The following KMT2A variants were observed in gnomAD, a reference collection of about 807,000 sequenced individuals.
The protein encoded by KMT2A is lysine methyltransferase 2A, also known as histone-lysine N-methyltransferase 2A.
A neutral mutation model predicts 345.3 loss-of-function variants in KMT2A; 16 were observed. That is an observed-to-expected ratio of 0.05 (90% CI 0.03 to 0.07). The LOEUF is 0.07. Ranked by LOEUF, KMT2A falls within the 10% of genes least tolerant of loss-of-function variation. The pLI, the probability that KMT2A is intolerant of heterozygous loss-of-function variation, is 1.00. For synonymous variants in KMT2A, 1,599 were observed against 1,778.6 expected, an observed-to-expected ratio of 0.90 and a Z score of 2.54; for missense variants, 3,272 against 4,841.6, an observed-to-expected ratio of 0.68 and a Z score of 9.62.
chr11:118,451,459 C>T (rs891825757), intron 1 of KMT2A, among the ~76,000 whole-genome samples: 59 of 152,158 alleles, frequency 3.9e-4, no homozygotes, highest in African/African-American at 1.3e-3. Flanking sequence ...GCAATTTCGG[C>T]TCATTGCAAC....
At chr11:118,438,895 CT>C in intron 1 of KMT2A, 1 of 359,610 alleles carries the variant, frequency 2.8e-6, no homozygotes, top group South Asian at 2.1e-5. Flanking sequence ...CTGCCTCTTT[CT>C]GCTCTATCTC....
In KMT2A at chr11:118,522,483, G is replaced by A; in HGVS notation, c.*311G>A. The A allele has an allele frequency of 3.1e-6, 1 of 324,952 alleles. No individual in the cohort carries two copies. Among genetic ancestry groups the A allele is most frequent in the South Asian group, 6.7e-5 (1 of 14,966 alleles). 20.1% of individuals were successfully genotyped at this position (324,952 alleles called of 1,614,324 possible). A position where few individuals can be genotyped will look rare whatever the true frequency, so the allele number is the denominator to read the frequency against. ...GGAAGGAGCCTATTATAGAGGGTTG[G>A]TTATGTTGGGAGATTGGGCCTGAAT... is the stretch of plus-strand genomic sequence containing the variant. On this transcript the variant is annotated 3_prime_UTR_variant, in exon 36 of 36. Coordinates refer to ENST00000534358, the MANE Select transcript of KMT2A (RefSeq NM_001197104.2). The surrounding 1 kb of genome is among the most constrained non-coding windows in gnomAD (Gnocchi z 5.4).
Position 118,501,026 on chromosome 11 carries a change from G to A in KMT2A, c.6198G>A (p.Lys2066=). The stretch of plus-strand genomic sequence containing the variant: ...ACTGGAGCACCACAGATGCTCGCAA[G>A]CGCTGTGTATATACATGCAAGATAG... ...RVYWSTTDAR[K]RCVYTCKIVE... Residue 2066 remains lysine (K), a synonymous_variant, in exon 25 of 36, where the codon AAG becomes AAA. Transcript: ENST00000534358. 6.2e-7 allele frequency: 1 copy of A among 1,613,976 alleles called. No individual in the cohort carries two copies. Among genetic ancestry groups the A allele is most frequent in the Non-Finnish European group, 8.5e-7 (1 of 1,179,880 alleles).
In KMT2A at chr11:118,472,446, AGAG is replaced by A; in HGVS notation, c.1290_1292del (p.Glu430del). The stretch of plus-strand genomic sequence containing the variant: ...TCATTAAGACCCCTCGGCGGTTTAT[AGAG>A]GATGAGGATTATGACCCTCCAATTA... On this transcript the variant is annotated inframe_deletion, in exon 3 of 36. Coordinates refer to ENST00000534358, the MANE Select transcript of KMT2A (RefSeq NM_001197104.2). The A allele has an allele frequency of 6.2e-7, 1 of 1,614,064 alleles. No individual in the cohort carries two copies. Among genetic ancestry groups the A allele is most frequent in the Non-Finnish European group, 8.5e-7 (1 of 1,180,020 alleles).
rs1363839606 is a variant in KMT2A, at chr11:118,510,250, C to G, written c.11071+132C>G. 3 of 649,500 alleles carry G rather than the reference C, an allele frequency of 4.6e-6. No homozygotes were observed. The highest frequency in any genetic ancestry group is 7.7e-6 in the Non-Finnish European group (3 of 388,202). The allele number at this position is 649,500 out of a possible 1,614,324, so 40.2% of individuals were successfully genotyped here. A position where few individuals can be genotyped will look rare whatever the true frequency, so the allele number is the denominator to read the frequency against. On this transcript the variant is annotated intron_variant, in intron 30 of 35. Coordinates refer to ENST00000534358, the MANE Select transcript of KMT2A (RefSeq NM_001197104.2). The surrounding 1 kb of genome is among the most constrained non-coding windows in gnomAD (Gnocchi z 4.1). The stretch of plus-strand genomic sequence containing the variant: ...TAGGGGGATACCTGGAGGCATCATA[C>G]ATTTTCCTTGTCCTTGAGAAGTTTG...
chr11:118,519,519 GCCT>G, intron 31 of KMT2A, 96 bp from the exon 32 acceptor site: 1 of 1,059,992 alleles, frequency 9.4e-7, no homozygotes. Flanking sequence ...CCCTGGAGCA[GCCT>G]CTGGCAGAGT....
At position 118,497,893 on chromosome 11, in the gene KMT2A, G is replaced by A. The variant is rs781893618; in HGVS notation, c.5665-43G>A. 5 of 1,526,868 alleles carry A rather than the reference G, an allele frequency of 3.3e-6. No homozygotes were observed. In the South Asian group the frequency reaches 4.6e-5, roughly 14 times the overall value. The allele number at this position is 1,526,868 out of a possible 1,614,324, so 94.6% of individuals were successfully genotyped here. The stretch of plus-strand genomic sequence containing the variant: ...CTAATGCCGAGGAAAACCTCCTTTG[G>A]CATTATATTCTTTAGGAAAAAAGAA... On this transcript the variant is annotated intron_variant, in intron 20 of 35. Coordinates refer to ENST00000534358, the MANE Select transcript of KMT2A (RefSeq NM_001197104.2). The surrounding 1 kb of genome is among the most constrained non-coding windows in gnomAD (Gnocchi z 4.8).
intron 1 of KMT2A, among the ~76,000 whole-genome samples, chr11:118,446,657 T>G (rs1555027274): frequency 6.6e-6 from 1 of 152,244 alleles, no homozygotes; most frequent in Non-Finnish European, 1.5e-5. Flanking sequence ...CTGTTCCTGC[T>G]GTCCTAGTTT....
intron 1 of KMT2A, chr11:118,458,063 TGAGA>T: frequency 1.8e-5 from 5 of 277,338 alleles, no homozygotes; most frequent in Admixed American, 4.4e-5. Flanking sequence ...CATTTTTTTT[TGAGA>T]TGCTTTCAAA....
At chr11:118,464,230 A>C (rs566740957) in intron 1 of KMT2A, among the ~76,000 whole-genome samples, 3 of 152,222 alleles carry the variant, frequency 2.0e-5, no homozygotes, top group African/African-American at 4.8e-5. Context: ...CAGCTTACAC[A>C]ATTCTGACTG....
At chr11:118,508,456 G>C (rs2134423478) in intron 28 of KMT2A, among the ~76,000 whole-genome samples, 1 of 152,306 alleles carries the variant, frequency 6.6e-6, no homozygotes, top group Non-Finnish European at 1.5e-5. Flanking sequence ...GAAAACTGGG[G>C]CTGGACACAG....
chr11:118,499,507 G>C, intron 23 of KMT2A, 87 bp downstream of exon 23: 2 of 895,188 alleles, frequency 2.2e-6, no homozygotes, highest in Non-Finnish European at 3.8e-6. Flanking sequence ...CCCTCAGCCA[G>C]GTGTGGTGTC....
chr11:118,443,084 T>C (rs1329172226), intron 1 of KMT2A, among the ~76,000 whole-genome samples: 4 of 152,228 alleles, frequency 2.6e-5, no homozygotes, highest in African/African-American at 9.6e-5. Context: ...GCTGGAGGCC[T>C]GCACTCTTAT....
In KMT2A at chr11:118,501,057, T is replaced by A; in HGVS notation, c.6229T>A (p.Cys2077Ser). 1 of 1,613,892 alleles carries A rather than the reference T, an allele frequency of 6.2e-7. No individual in the cohort carries two copies. Among genetic ancestry groups the A allele is most frequent in the Non-Finnish European group, 8.5e-7 (1 of 1,179,910 alleles). The change falls in exon 25 of 36, where the codon TGC (cysteine) becomes AGC (serine). Residue 2077 changes from cysteine to serine, a missense_variant. Cys to Ser is a moderately radical substitution (Grantham distance 112). Around this residue, in one of 27 missense-constraint regions of KMT2A, gnomAD observed 235 missense variants for 503.4 expected, o/e 0.47. Coordinates refer to ENST00000534358, the MANE Select transcript of KMT2A (RefSeq NM_001197104.2). ...RCVYTCKIVECRPPVVEPDIN... is the reference protein window; with the variant it reads ...RCVYTCKIVESRPPVVEPDIN... ...TGTATATACATGCAAGATAGTGGAG[T>A]GCCGTCCTCCAGTCGTAGAGCCGGA...
Position 118,520,168 on chromosome 11 carries a change from G to A in KMT2A, c.11429+104G>A. On this transcript the variant is annotated intron_variant, in intron 33 of 35. Transcript: ENST00000534358. This position sits in a 1 kb window ranked among gnomAD's most constrained non-coding sequence, Gnocchi z 4.3. ...GTTTGCATCAGAATTTCCTGGATAA[G>A]ATTTAAAAGGACTGAAAACCATTTG... 1.3e-6 allele frequency: 1 copy of A among 749,066 alleles called. No homozygotes were observed. The highest frequency in any genetic ancestry group is 2.7e-5 in the East Asian group (1 of 37,478). The allele number at this position is 749,066 out of a possible 1,614,324, so 46.4% of individuals were successfully genotyped here.
chr11:118,476,476 G>A lies in KMT2A; in HGVS notation c.3157-329G>A, dbSNP rs1215716159. On this transcript the variant is annotated intron_variant, in intron 3 of 35. Transcript: ENST00000534358. This position sits in a 1 kb window ranked among gnomAD's most constrained non-coding sequence, Gnocchi z 4.1. ...CTCCTGAGTAGCTAGAACTACAGGT[G>A]TGTACCACCACGCCCAGCCAATTTT... 1.3e-5 allele frequency among the ~76,000 whole-genome samples: 2 copies of A among 151,412 alleles called. No individual in the cohort carries two copies. The highest frequency in any genetic ancestry group is 4.8e-5 in the African/African-American group (2 of 41,252).
Position 118,520,023 on chromosome 11 carries a change from C to A in KMT2A, c.11388C>A (p.Pro3796=). The A allele has an allele frequency of 6.2e-7, 1 of 1,614,122 alleles. No individual in the cohort carries two copies. Among genetic ancestry groups the A allele is most frequent in the Non-Finnish European group, 8.5e-7 (1 of 1,179,992 alleles). ...ATCGTCAGCCTCCTGAATACAACCCCAATGATGAAGAAGAGGAGGAGGTAC... is the reference window on the plus strand; with the variant it reads ...ATCGTCAGCCTCCTGAATACAACCCAAATGATGAAGAAGAGGAGGAGGTAC... ...SKHRQPPEYN[P]NDEEEEEVQL... Residue 3796 remains proline (P), a synonymous_variant, in exon 33 of 36, where the codon CCC becomes CCA. Transcript: ENST00000534358. The surrounding 1 kb of genome is among the most constrained non-coding windows in gnomAD (Gnocchi z 4.3).
chr11:118,505,511 A>G lies in KMT2A; in HGVS notation c.9619A>G (p.Arg3207Gly). ...ACTTTTGGTTTCAGAATCCAGCCAG[A>G]GGACAGACCTCAGTACCACAGTAGC... ...PQLLVSESSQ[R>G]TDLSTTVATP... Residue 3207 changes from arginine to glycine, a missense_variant, in exon 27 of 36, where the codon AGG becomes GGG. Transcript: ENST00000534358. This position sits in a 1 kb window ranked among gnomAD's most constrained non-coding sequence, Gnocchi z 4.6. 1 of 1,614,184 alleles carries G rather than the reference A, an allele frequency of 6.2e-7. No homozygotes were observed. The highest frequency in any genetic ancestry group is 8.5e-7 in the Non-Finnish European group (1 of 1,180,026).
chr11:118,521,392 A>G lies in KMT2A; in HGVS notation c.11618A>G (p.Lys3873Arg), dbSNP rs1950965083. 4 of 1,614,160 alleles carry G rather than the reference A, an allele frequency of 2.5e-6. No individual in the cohort carries two copies. The highest frequency in any genetic ancestry group is 3.4e-6 in the Non-Finnish European group (4 of 1,180,030). ...GTCATCCGCTCCATCCAGACTGACA[A>G]GCGGGAAAAGTATTACGACAGCAAG... Reference protein sequence around the residue: ...GNVIRSIQTDKREKYYDSKGI... With the variant: ...GNVIRSIQTDRREKYYDSKGI... The change falls in exon 35 of 36, where the codon AAG becomes AGG. Residue 3873 changes from lysine (K) to arginine (R), a missense_variant. Physicochemically the swap from Lys to Arg is conservative, Grantham distance 26. Transcript: ENST00000534358. This position sits in a 1 kb window ranked among gnomAD's most constrained non-coding sequence, Gnocchi z 5.3.
Sources: allele counts gnomAD v4.1 joint callset (sites outside exome capture counted in the v4.1 genomes callset), GRCh38; gene constraint gnomAD v4.1.1; regional missense constraint gnomAD v4.1.1; non-coding constraint Gnocchi (gnomAD v3.1); transcripts MANE v1.5; gene names NCBI Gene and HGNC (gene_info 2026-07-23, HGNC 2026-07-21).